HSD17B12: variants seen among roughly 807,000 people sequenced by gnomAD.
HSD17B12 encodes the protein very-long-chain 3-oxoacyl-CoA reductase.
Under a neutral mutation model 39.3 loss-of-function variants are expected in HSD17B12, and 32 were observed. The observed-to-expected ratio is 0.81, with a 90% CI of 0.61 to 1.09. The LOEUF is 1.09. HSD17B12 is among the 50% of genes least tolerant of loss of function. The pLI is 0.00. For missense variants in HSD17B12, 342 were observed against 382.9 expected (o/e 0.89, Z 0.89); for synonymous variants, 150 against 146.7 (o/e 1.02, Z -0.16).
At chr11:43,701,509 G>A (rs764126363) in intron 1 of HSD17B12, among the ~76,000 whole-genome samples, 3 of 152,098 alleles carry the variant, frequency 2.0e-5, no homozygotes, top group Non-Finnish European at 2.9e-5. Flanking sequence ...TTTGATTTTT[G>A]TATATGGCAA....
At chr11:43,776,256 T>G (rs897060988) in intron 3 of HSD17B12, among the ~76,000 whole-genome samples, 29 of 152,158 alleles carry the variant, frequency 1.9e-4, no homozygotes, top group African/African-American at 7.0e-4. Flanking sequence ...CCACATCCTC[T>G]CCAGCACCTG....
intron 8 of HSD17B12, among the ~76,000 whole-genome samples, chr11:43,838,937 C>T (rs1951397391): frequency 6.6e-6 from 1 of 152,052 alleles, no homozygotes; most frequent in African/African-American, 2.4e-5. Context: ...TTTTCCAGAA[C>T]TCTCTGGACA....
At chr11:43,851,025 C>A (rs1951526011) in intron 9 of HSD17B12, among the ~76,000 whole-genome samples, 2 of 152,222 alleles carry the variant, frequency 1.3e-5, no homozygotes, top group South Asian at 4.1e-4. Flanking sequence ...GGCGCCACTG[C>A]ACTCCAGGCT....
At chr11:43,782,506 C>T (rs1298084421) in intron 3 of HSD17B12, among the ~76,000 whole-genome samples, 2 of 151,960 alleles carry the variant, frequency 1.3e-5, no homozygotes, top group Non-Finnish European at 2.9e-5. Context: ...CATAGTGTAA[C>T]CCCGTTTACT....
chr11:43,654,577 A>G, the HSD17B12 span, among the ~76,000 whole-genome samples: 1 of 151,902 alleles, frequency 6.6e-6, no homozygotes, highest in Non-Finnish European at 1.5e-5. Flanking sequence ...TTTGTATAAG[A>G]TGTAAGGAAG....
the HSD17B12 span, among the ~76,000 whole-genome samples, chr11:43,665,936 A>G: frequency 6.6e-6 from 1 of 152,242 alleles, no homozygotes; most frequent in African/African-American, 2.4e-5. Flanking sequence ...CCCACGGAGT[A>G]GACAAGTTGG....
intron 4 of HSD17B12, among the ~76,000 whole-genome samples, chr11:43,801,854 G>A (rs745528884): frequency 3.3e-5 from 5 of 152,036 alleles, no homozygotes; most frequent in Non-Finnish European, 7.4e-5. Flanking sequence ...TAGATAGCAT[G>A]AAGTGGGGGA....
At chr11:43,675,497 C>T in the HSD17B12 span, among the ~76,000 whole-genome samples, 1 of 151,876 alleles carries the variant, frequency 6.6e-6, no homozygotes, top group African/African-American at 2.4e-5. Flanking sequence ...GAGGGTGGTC[C>T]GTGTTGCCGG....
At chr11:43,580,747 A>G in the HSD17B12 span, among the ~76,000 whole-genome samples, 1 of 151,936 alleles carries the variant, frequency 6.6e-6, no homozygotes, top group South Asian at 2.1e-4. Flanking sequence ...CAATATTTTA[A>G]CATGTTCCAG....
At chr11:43,588,610 C>CTATTATTATTATTATTATTAT in the HSD17B12 span, among the ~76,000 whole-genome samples, 3,975 of 144,930 alleles carry the variant, frequency 0.027, 84 homozygotes, top group East Asian at 0.093. Context: ...TTATTATTAG[C>CTATTATTATTATTATTATTAT]TATTATTATT....
intron 1 of HSD17B12, among the ~76,000 whole-genome samples, chr11:43,720,079 T>C (rs760636750): frequency 6.6e-6 from 1 of 152,152 alleles, no homozygotes; most frequent in Non-Finnish European, 1.5e-5. Flanking sequence ...ATGAGAAGGG[T>C]CTATATTTTC....
At chr11:43,682,966 G>A (rs1229503104) in intron 1 of HSD17B12, among the ~76,000 whole-genome samples, 1 of 151,486 alleles carries the variant, frequency 6.6e-6, no homozygotes, top group African/African-American at 2.4e-5. Flanking sequence ...CATTTTTTTT[G>A]TTTTTTGTAG....
At chr11:43,795,408 G>C (rs1040195904) in intron 3 of HSD17B12, among the ~76,000 whole-genome samples, 1 of 152,118 alleles carries the variant, frequency 6.6e-6, no homozygotes, top group Non-Finnish European at 1.5e-5. Flanking sequence ...GACAGTTCCT[G>C]TCCTATTCTT....
intron 1 of HSD17B12, among the ~76,000 whole-genome samples, chr11:43,702,427 T>C (rs1337488875): frequency 6.6e-6 from 1 of 152,234 alleles, no homozygotes; most frequent in African/African-American, 2.4e-5. Flanking sequence ...GGAAAGGTTT[T>C]CAGTTTTTCC....
intron 3 of HSD17B12, among the ~76,000 whole-genome samples, chr11:43,765,594 TGG>T (rs1040983558): frequency 1.2e-4 from 19 of 152,168 alleles, no homozygotes; most frequent in African/African-American, 4.6e-4. Context: ...ACTCTTTTTC[TGG>T]GACTTTAGTT....
intron 1 of HSD17B12, among the ~76,000 whole-genome samples, chr11:43,717,614 G>A (rs904166231): frequency 2.6e-5 from 4 of 151,960 alleles, no homozygotes; most frequent in African/African-American, 9.7e-5. Flanking sequence ...CCATGTCTGG[G>A]GCCTTGATAC....
At chr11:43,749,243 G>A (rs1419434704) in intron 1 of HSD17B12, among the ~76,000 whole-genome samples, 1 of 152,108 alleles carries the variant, frequency 6.6e-6, no homozygotes, top group Non-Finnish European at 1.5e-5. Flanking sequence ...AGGGTGAAGG[G>A]AAGAAAGGGG....
At chr11:43,798,068 GAAGAACTGATT>G (rs1406583954) in intron 3 of HSD17B12, among the ~76,000 whole-genome samples, 1 of 152,148 alleles carries the variant, frequency 6.6e-6, no homozygotes, top group Non-Finnish European at 1.5e-5. Flanking sequence ...ATTTACAAAA[GAAGAACTGATT>G]AAGGAACATT....
intron 9 of HSD17B12, 33 bp from the exon 10 acceptor site, chr11:43,854,682 G>A (rs935930891): frequency 6.2e-7 from 1 of 1,610,762 alleles, no homozygotes; most frequent in Non-Finnish European, 8.5e-7. Flanking sequence ...CTAATCAATG[G>A]CATGTTTTCT....
Sources: gnomAD v4.1 joint callset for allele counts (sites outside exome capture counted in the v4.1 genomes callset) on GRCh38, gnomAD v4.1.1 for gene constraint, MANE v1.5 for transcripts, NCBI Gene and HGNC (gene_info 2026-07-23, HGNC 2026-07-21) for gene names.